DAPK1: variants seen among roughly 807,000 people sequenced by gnomAD.
DAPK1 encodes the protein death associated protein kinase 1, also known as death-associated protein kinase 1.
A neutral mutation model predicts 144.9 loss-of-function variants in DAPK1; 56 were observed. The ratio of observed to expected loss-of-function variants is 0.39; its 90% CI spans 0.31 to 0.48. The LOEUF (loss-of-function observed/expected upper bound fraction) is 0.48. Ranked by LOEUF, DAPK1 falls within the 20% of genes least tolerant of loss-of-function variation. The pLI is 0.95. For missense variants in DAPK1, 1,454 were observed against 1,875.4 expected (o/e 0.78, Z 4.15); for synonymous variants, 690 against 749.0 (o/e 0.92, Z 1.29).
Position 87,616,896 on chromosome 9 carries a change from C to A in DAPK1, c.284+11721C>A, listed in dbSNP as rs186341553. On this transcript the variant is annotated intron_variant, in intron 3 of 25. Transcript: ENST00000408954. ...AACTAGTGTCCTGTTTTCAAGGGAA[C>A]CTTTTGATTCAGTCTCTATGAGCAG... is the stretch of plus-strand genomic sequence containing the variant. 2.8e-3 allele frequency among the ~76,000 whole-genome samples: 424 copies of A among 152,314 alleles called. 5 individuals carry two copies. The highest frequency in any genetic ancestry group is 7.9e-4 in the Non-Finnish European group (54 of 68,018).
Position 87,706,297 on chromosome 9 carries a change from A to G in DAPK1, c.3226A>G (p.Ser1076Gly), listed in dbSNP as rs201236005. ...VEDIQRLVPD[S>G]DVEELLQILD... ...GGACATCCAGCGCCTGGTGCCCGAC[A>G]GCGACGTGGAGGAGCTGCTGCAGAT... The change falls in exon 26 of 26, where the codon AGC becomes GGC. Residue 1076 changes from serine (S) to glycine (G), a missense_variant. Physicochemically the swap from Ser to Gly is moderately conservative, Grantham distance 56. Coordinates refer to ENST00000408954, the MANE Select transcript of DAPK1 (RefSeq NM_004938.4). This position sits in a 1 kb window ranked among gnomAD's most constrained non-coding sequence, Gnocchi z 9.0. The G allele has an allele frequency of 1.1e-4, 171 of 1,611,424 alleles. No homozygotes were observed. In the African/African-American group the frequency reaches 1.9e-3, roughly 18 times the overall value.
chr9:87,671,509 G>GTT lies in DAPK1; in HGVS notation c.2001+2843_2001+2844dup, dbSNP rs11428349. Among the ~76,000 whole-genome samples, 31 of 149,546 alleles carry GTT rather than the reference G, an allele frequency of 2.1e-4. No individual in the cohort carries two copies. In the East Asian group the frequency reaches 2.2e-3, roughly 10 times the overall value. ...AAGAATAGTCACCTTTTTTTTCTTTGTTTTTTTTTGAGATGAGGTCTTGCT... is the reference window on the plus strand; with the variant it reads ...AAGAATAGTCACCTTTTTTTTCTTTGTTTTTTTTTTTGAGATGAGGTCTTGCT... On this transcript the variant is annotated intron_variant, in intron 19 of 25. Transcript: ENST00000408954.
At chr9:87,498,364 T>A (rs1298457643) in intron 1 of DAPK1, among the ~76,000 whole-genome samples, 2 of 152,036 alleles carry the variant, frequency 1.3e-5, no homozygotes, top group East Asian at 3.9e-4. Context: ...AGCGAACTGC[T>A]GCGCCTCGGT....
intron 2 of DAPK1, among the ~76,000 whole-genome samples, chr9:87,523,210 C>T (rs1825367027): frequency 6.6e-6 from 1 of 152,206 alleles, no homozygotes; most frequent in African/African-American, 2.4e-5. Context: ...CCGTCCCAGA[C>T]AGCTGTATTT....
intron 2 of DAPK1, among the ~76,000 whole-genome samples, chr9:87,540,957 A>C (rs908212383): frequency 2.0e-5 from 3 of 152,208 alleles, no homozygotes; most frequent in African/African-American, 7.2e-5. Context: ...TTTTCTTACC[A>C]ATCTAAGCCT....
rs756695226 is a variant in DAPK1, at chr9:87,706,595, A to G, written c.3524A>G (p.Lys1175Arg). The G allele has an allele frequency of 6.2e-6, 10 of 1,613,728 alleles. No homozygotes were observed. In the East Asian group the frequency reaches 2.0e-4, roughly 32 times the overall value. The change falls in exon 26 of 26, where the codon AAG becomes AGG. Residue 1175 changes from lysine (K) to arginine (R), a missense_variant. This residue lies in a region of DAPK1 where 1,025 missense variants were observed against 1,237.9 expected (regional missense o/e 0.83). Coordinates refer to ENST00000408954, the MANE Select transcript of DAPK1 (RefSeq NM_004938.4). This position sits in a 1 kb window ranked among gnomAD's most constrained non-coding sequence, Gnocchi z 9.0. ...ADIRLWVNGC[K>R]LANRGAELLV... is the part of the protein sequence containing the mutation. ...ATCCGCCTGTGGGTGAATGGCTGCA[A>G]GCTGGCCAACCGTGGGGCCGAGCTG...
chr9:87,625,166 G>A lies in DAPK1; in HGVS notation c.285-12777G>A, dbSNP rs574369137. On this transcript the variant is annotated intron_variant, in intron 3 of 25. Coordinates refer to ENST00000408954, the MANE Select transcript of DAPK1 (RefSeq NM_004938.4). ...CTCTCACAGAAACAGTTTGTTAATC[G>A]CTGTCCCAGAAGGCAGAATCAGCAC... 1.4e-3 allele frequency among the ~76,000 whole-genome samples: 197 copies of A among 144,630 alleles called. 1 individual carries two copies. The highest frequency in any genetic ancestry group is 2.2e-3 in the Non-Finnish European group (144 of 64,488). The allele number at this position is 144,630 out of a possible 152,430, so 94.9% of individuals were successfully genotyped here. A position where few individuals can be genotyped will look rare whatever the true frequency, so the allele number is the denominator to read the frequency against.
chr9:87,568,035 CTG>C (rs1009089421), intron 2 of DAPK1, among the ~76,000 whole-genome samples: 29 of 152,338 alleles, frequency 1.9e-4, no homozygotes, highest in African/African-American at 7.0e-4. Context: ...AAGACCAAAA[CTG>C]TGATTACAAA....
At chr9:87,643,097 C>T (rs1564040545) in intron 10 of DAPK1, among the ~76,000 whole-genome samples, 1 of 152,118 alleles carries the variant, frequency 6.6e-6, no homozygotes, top group Non-Finnish European at 1.5e-5. Context: ...TGTGGGGTGT[C>T]CAGCTCTGTA....
intron 2 of DAPK1, among the ~76,000 whole-genome samples, chr9:87,560,974 C>T (rs1238160189): frequency 6.6e-6 from 1 of 152,100 alleles, no homozygotes; most frequent in African/African-American, 2.4e-5. Context: ...CTAGGATGTG[C>T]TTCCTTTTTA....
At chr9:87,624,454 C>T (rs1446018371) in intron 3 of DAPK1, among the ~76,000 whole-genome samples, 1 of 152,222 alleles carries the variant, frequency 6.6e-6, no homozygotes, top group East Asian at 1.9e-4. Context: ...ACTGGCACAG[C>T]ATCACTTCTT....
At chr9:87,571,013 G>A (rs1476721348) in intron 2 of DAPK1, among the ~76,000 whole-genome samples, 2 of 152,048 alleles carry the variant, frequency 1.3e-5, no homozygotes, top group African/African-American at 2.4e-5. Flanking sequence ...ACTGGAACAC[G>A]AGCTTTTTGT....
intron 9 of DAPK1, among the ~76,000 whole-genome samples, chr9:87,641,310 T>C (rs1830085201): frequency 6.6e-6 from 1 of 152,182 alleles, no homozygotes; most frequent in African/African-American, 2.4e-5. Context: ...CACCTTTACA[T>C]TACCTGCCTG....
intron 2 of DAPK1, among the ~76,000 whole-genome samples, chr9:87,552,741 C>G (rs1826542150): frequency 6.8e-6 from 1 of 146,382 alleles, no homozygotes; most frequent in Admixed American, 6.9e-5. Flanking sequence ...ATAGACATGC[C>G]CCACTGTACC....
At chr9:87,627,146 A>G (rs1358650972) in intron 3 of DAPK1, among the ~76,000 whole-genome samples, 1 of 152,190 alleles carries the variant, frequency 6.6e-6, no homozygotes, top group Non-Finnish European at 1.5e-5. Context: ...CAGGTTGGCC[A>G]TGGGGAGGCG....
At chr9:87,693,618 A>G (rs1001644034) in intron 21 of DAPK1, among the ~76,000 whole-genome samples, 27 of 151,950 alleles carry the variant, frequency 1.8e-4, no homozygotes, top group African/African-American at 6.5e-4. Context: ...CGGAGGTGCA[A>G]TATTTCCTTG....
At position 87,554,786 on chromosome 9, in the gene DAPK1, A is replaced by C. The variant is rs547172460; in HGVS notation, c.63-50168A>C. ...AGGGAGGAAGCTGATGCTGTCTCCC[A>C]CCCAGGCCGTGTAGCCATTTCCCCC... On this transcript the variant is annotated intron_variant, in intron 2 of 25. Coordinates refer to ENST00000408954, the MANE Select transcript of DAPK1 (RefSeq NM_004938.4). 2.0e-5 allele frequency among the ~76,000 whole-genome samples: 3 copies of C among 152,232 alleles called. No individual in the cohort carries two copies. In the South Asian group the frequency reaches 6.2e-4, roughly 32 times the overall value.
intron 2 of DAPK1, among the ~76,000 whole-genome samples, chr9:87,583,347 AG>A (rs940080686): frequency 4.6e-5 from 7 of 152,294 alleles, no homozygotes; most frequent in African/African-American, 1.7e-4. Flanking sequence ...TAGAGACTCC[AG>A]TTGTTCCTCA....
intron 20 of DAPK1, among the ~76,000 whole-genome samples, chr9:87,682,155 A>T (rs1164485296): frequency 6.6e-6 from 1 of 152,158 alleles, no homozygotes; most frequent in Non-Finnish European, 1.5e-5. Context: ...TCAAGGTTGG[A>T]TAGAGGTTTC....
Sources: gnomAD v4.1 joint callset for allele counts (sites outside exome capture counted in the v4.1 genomes callset) on GRCh38, gnomAD v4.1.1 for gene constraint, gnomAD v4.1.1 regional missense constraint, Gnocchi (gnomAD v3.1) non-coding constraint, MANE v1.5 for transcripts, NCBI Gene and HGNC (gene_info 2026-07-23, HGNC 2026-07-21) for gene names.